The following IFT74 variants were observed in gnomAD, a reference collection of about 807,000 sequenced individuals.
The protein encoded by IFT74 is intraflagellar transport protein 74 homolog.
IFT74 carries 92 observed loss-of-function variants against 96.7 expected under a neutral mutation model. That is an observed-to-expected ratio of 0.95 (90% confidence interval 0.80 to 1.13). IFT74 has a LOEUF of 1.13. Among genes scored for constraint, IFT74 ranks in the 50% most tolerant of loss-of-function variants. IFT74 has a pLI of 0.00. For missense variants in IFT74, 811 were observed against 698.2 expected (o/e 1.16, Z -1.82); for synonymous variants, 223 against 213.2 (o/e 1.05, Z -0.40).
rs564041101 is a variant in IFT74 at position 27,017,003 on chromosome 9, A to G, written c.886A>G (p.Lys296Glu). ...SHRDQMIAED[K>E]SIGSPMEERE... is the part of the protein sequence containing the mutation. The stretch of plus-strand genomic sequence containing the variant: ...TCGAGATCAAATGATTGCAGAAGAC[A>G]AAAGCATAGGATCTCCAATGGAAGA... Residue 296 changes from lysine to glutamate, a missense_variant, in exon 11 of 20, where the codon AAA becomes GAA. By Grantham distance (56) the Lys-to-Glu change is moderately conservative. Coordinates refer to ENST00000380062, the MANE Select transcript of IFT74 (RefSeq NM_025103.4). 5 of 1,611,078 alleles carry G rather than the reference A, an allele frequency of 3.1e-6. 1 individual carries two copies. In the South Asian group the frequency reaches 5.5e-5, roughly 18 times the overall value.
At chr9:26,987,700 T>G (rs1356074923) in intron 6 of IFT74, among the ~76,000 whole-genome samples, 1 of 152,168 alleles carries the variant, frequency 6.6e-6, no homozygotes, top group Admixed American at 6.5e-5. Context: ...CTTGCTAAAT[T>G]TCTTTTTCTG....
At chr9:27,052,108 T>A (rs923641910) in intron 16 of IFT74, among the ~76,000 whole-genome samples, 8 of 152,216 alleles carry the variant, frequency 5.3e-5, no homozygotes, top group Admixed American at 5.2e-4. Flanking sequence ...TGTCAAGAAA[T>A]GTACATTTTT....
intron 4 of IFT74, among the ~76,000 whole-genome samples, chr9:26,983,351 G>T (rs747249707): frequency 2.6e-5 from 4 of 152,192 alleles, no homozygotes; most frequent in Non-Finnish European, 4.4e-5. Flanking sequence ...TCAAAGAATA[G>T]TTCTAGCTAT....
chr9:26,950,141 T>C (rs1035045596), intron 1 of IFT74, among the ~76,000 whole-genome samples: 1 of 151,996 alleles, frequency 6.6e-6, no homozygotes, highest in Non-Finnish European at 1.5e-5. Context: ...TGAAACCTTG[T>C]CTCTACTAAA....
intron 13 of IFT74, among the ~76,000 whole-genome samples, chr9:27,042,395 C>A (rs1380800111): frequency 6.6e-6 from 1 of 151,872 alleles, no homozygotes; most frequent in East Asian, 1.9e-4. Context: ...CCCTCCCATC[C>A]CCGCAAAAAG....
At chr9:27,026,899 G>T (rs192443422) in intron 12 of IFT74, among the ~76,000 whole-genome samples, 5 of 151,904 alleles carry the variant, frequency 3.3e-5, no homozygotes, top group Non-Finnish European at 7.4e-5. Flanking sequence ...ACAATCTAAC[G>T]TTACACCTCA....
At chr9:26,957,172 G>A (rs1194663770) in intron 1 of IFT74, among the ~76,000 whole-genome samples, 1 of 152,172 alleles carries the variant, frequency 6.6e-6, no homozygotes, top group Non-Finnish European at 1.5e-5. Flanking sequence ...GAATAACCCC[G>A]AAGTTAGTGG....
At chr9:27,026,823 CA>C (rs1369238573) in intron 12 of IFT74, among the ~76,000 whole-genome samples, 8 of 152,106 alleles carry the variant, frequency 5.3e-5, no homozygotes, top group Non-Finnish European at 1.0e-4. Context: ...ACAGCAAAAG[CA>C]GTGCCTAGAG....
rs1316071897 is a variant in IFT74, at chr9:27,065,239, T to A, written c.*2503T>A. 6.6e-6 allele frequency among the ~76,000 whole-genome samples: 1 copy of A among 152,186 alleles called. No homozygotes were observed. Among genetic ancestry groups the A allele is most frequent in the Non-Finnish European group, 1.5e-5 (1 of 68,018 alleles). ...TTTCTTTAAATTAAAACATGTTTTA[T>A]CTGAGGGAAATTCTCACTAATGTCT... is the stretch of plus-strand genomic sequence containing the variant. On this transcript the variant is annotated 3_prime_UTR_variant, in exon 20 of 20. Coordinates refer to ENST00000380062, the MANE Select transcript of IFT74 (RefSeq NM_025103.4).
Position 26,978,462 on chromosome 9 carries a change from G to A in IFT74, c.256+199G>A, listed in dbSNP as rs41315979. 3.9e-3 allele frequency among the ~76,000 whole-genome samples: 590 copies of A among 152,120 alleles called. 1 individual carries two copies. The highest frequency in any genetic ancestry group is 6.5e-3 in the Non-Finnish European group (444 of 68,008). On this transcript the variant is annotated intron_variant, in intron 3 of 19. Coordinates refer to ENST00000380062, the MANE Select transcript of IFT74 (RefSeq NM_025103.4). Reference sequence around the variant, plus strand: ...GTAATCAGAATTATGGCATCTAATCGTTATTCTTTGATTCACAAAATTATT... The same window carrying A: ...GTAATCAGAATTATGGCATCTAATCATTATTCTTTGATTCACAAAATTATT...
upstream of IFT74, among the ~76,000 whole-genome samples, chr9:26,953,589 G>A (rs1448637513): frequency 6.6e-6 from 1 of 152,132 alleles, no homozygotes; most frequent in Non-Finnish European, 1.5e-5. Flanking sequence ...ATATTCACTA[G>A]TAAGTTCACT....
chr9:26,993,097 T>G (rs1827960202), intron 8 of IFT74: 1 of 152,260 alleles, frequency 6.6e-6, no homozygotes, highest in Admixed American at 6.5e-5. Flanking sequence ...CAAGATCAGT[T>G]GTCCTGTAAA....
chr9:26,976,999 C>T (rs1465992090), intron 2 of IFT74, among the ~76,000 whole-genome samples: 5 of 151,640 alleles, frequency 3.3e-5, no homozygotes, highest in Admixed American at 3.3e-4. Flanking sequence ...TTATTTTTTC[C>T]TGATTTTTAA....
intron 8 of IFT74, among the ~76,000 whole-genome samples, chr9:27,001,631 T>G (rs1828498304): frequency 6.6e-6 from 1 of 152,260 alleles, no homozygotes; most frequent in Non-Finnish European, 1.5e-5. Flanking sequence ...ATTCAGTTCT[T>G]TTGCCATGTT....
intron 8 of IFT74, 144 bp from the exon 9 acceptor site, chr9:27,008,876 G>C (rs1490041385): frequency 1.7e-6 from 1 of 603,354 alleles, no homozygotes; most frequent in African/African-American, 1.9e-5. Flanking sequence ...GCATTTTTTA[G>C]TACAAATATA....
chr9:27,052,645 CT>C (rs1026942812), intron 16 of IFT74, among the ~76,000 whole-genome samples: 4 of 150,484 alleles, frequency 2.7e-5, no homozygotes, highest in African/African-American at 9.8e-5. Context: ...GGAAATTTTT[CT>C]TTGTAAGGGT....
intron 13 of IFT74, among the ~76,000 whole-genome samples, chr9:27,034,833 A>G (rs541514849): frequency 7.2e-5 from 11 of 152,288 alleles, no homozygotes; most frequent in Non-Finnish European, 1.0e-4. Context: ...CCTGGCCAGA[A>G]TCATTTTATT....
chr9:27,010,826 A>G (rs905518031), intron 9 of IFT74, among the ~76,000 whole-genome samples: 1 of 152,124 alleles, frequency 6.6e-6, no homozygotes, highest in East Asian at 1.9e-4. Context: ...TAAATAAGCA[A>G]TTTAAGTCCC....
intron 16 of IFT74, among the ~76,000 whole-genome samples, chr9:27,051,331 G>GT (rs962549157): frequency 1.1e-4 from 16 of 151,382 alleles, no homozygotes; most frequent in South Asian, 1.0e-3. Flanking sequence ...GTTTGCCGTA[G>GT]TTTTTTTTTG....
Sources: gnomAD v4.1 joint callset for allele counts (sites outside exome capture counted in the v4.1 genomes callset) on GRCh38, gnomAD v4.1.1 for gene constraint, MANE v1.5 for transcripts, NCBI Gene and HGNC (gene_info 2026-07-23, HGNC 2026-07-21) for gene names.